USP46: variants seen among roughly 807,000 people sequenced by gnomAD.
USP46 encodes ubiquitin carboxyl-terminal hydrolase 46.
USP46 carries 12 observed loss-of-function variants against 44.4 expected under a neutral mutation model. The ratio of observed to expected loss-of-function variants is 0.27; its 90% CI spans 0.17 to 0.44. The LOEUF (loss-of-function observed/expected upper bound fraction) is 0.44. Among genes scored for constraint, USP46 ranks in the 20% least tolerant of loss-of-function variants. USP46 has a pLI of 1.00. For missense variants in USP46, 248 were observed against 444.8 expected (o/e 0.56, Z 3.98); for synonymous variants, 155 against 161.5 (o/e 0.96, Z 0.31).
chr4:52,614,226 G>C (rs2109612741), intron 4 of USP46, among the ~76,000 whole-genome samples: 1 of 152,268 alleles, frequency 6.6e-6, no homozygotes, highest in African/African-American at 2.4e-5. Flanking sequence ...CCTAGAAGGG[G>C]AGAAAAGGGA....
chr4:52,603,519 T>C (rs983473474), intron 6 of USP46, among the ~76,000 whole-genome samples: 4 of 152,096 alleles, frequency 2.6e-5, no homozygotes, highest in Non-Finnish European at 5.9e-5. Context: ...ACTGACAAGA[T>C]AGATTTAACT....
At chr4:52,632,980 GAAA>G (rs1321938937) in intron 1 of USP46, among the ~76,000 whole-genome samples, 3 of 71,486 alleles carry the variant, frequency 4.2e-5, no homozygotes, top group African/African-American at 7.1e-5. Flanking sequence ...AAGAAAGAAA[GAAA>G]GAAAAGAAAA....
At chr4:52,616,924 C>G (rs1017584415) in intron 4 of USP46, among the ~76,000 whole-genome samples, 3 of 152,112 alleles carry the variant, frequency 2.0e-5, no homozygotes, top group Non-Finnish European at 2.9e-5. Context: ...ATATTTTGAA[C>G]TAATGCCAAA....
Position 52,603,871 on chromosome 4 carries a change from G to T in USP46, c.722+630C>A, listed in dbSNP as rs185706200. Among the ~76,000 whole-genome samples, 755 of 152,170 alleles carry T rather than the reference G, an allele frequency of 5.0e-3. 8 individuals are homozygous for T. The highest frequency in any genetic ancestry group is 0.018 in the African/African-American group (730 of 41,526). On this transcript the variant is annotated intron_variant, in intron 6 of 8. Transcript: ENST00000441222. ...AGCTAATTTTTGTGTTTTTAGTAGA[G>T]ACGGGGTTTCACCATGTTGGCCAGG...
At chr4:52,636,974 T>C (rs963230523) in intron 1 of USP46, among the ~76,000 whole-genome samples, 17 of 151,908 alleles carry the variant, frequency 1.1e-4, no homozygotes, top group African/African-American at 4.1e-4. Context: ...CACACCCAGA[T>C]AATTTTTGTA....
intron 1 of USP46, among the ~76,000 whole-genome samples, chr4:52,654,911 CA>C (rs1718897501): frequency 6.6e-6 from 1 of 152,000 alleles, no homozygotes. Flanking sequence ...TTTTCATGAC[CA>C]AAAACAGAAA....
At chr4:52,630,736 CAAAAAAAA>C (rs10566870) in intron 2 of USP46, among the ~76,000 whole-genome samples, 4 of 92,290 alleles carry the variant, frequency 4.3e-5, no homozygotes, top group Non-Finnish European at 6.7e-5. Context: ...GACTCTGTCT[CAAAAAAAA>C]AAAAAAAAAA....
chr4:52,633,919 G>T (rs369655407), intron 1 of USP46, among the ~76,000 whole-genome samples: 1 of 152,140 alleles, frequency 6.6e-6, no homozygotes, highest in Admixed American at 6.5e-5. Context: ...ACAGCACAGC[G>T]AAAAATCAAA....
At chr4:52,641,571 T>C (rs926747309) in intron 1 of USP46, among the ~76,000 whole-genome samples, 3 of 152,138 alleles carry the variant, frequency 2.0e-5, no homozygotes, top group Non-Finnish European at 4.4e-5. Context: ...GAAGACGGCC[T>C]TGCCCAGAAG....
intron 6 of USP46, among the ~76,000 whole-genome samples, chr4:52,603,750 T>C (rs1433599326): frequency 6.6e-6 from 1 of 152,182 alleles, no homozygotes; most frequent in Admixed American, 6.5e-5. Context: ...AGTAGTACGA[T>C]CTCAGCTCAC....
At chr4:52,632,918 G>GACAAAGAAAGAA (rs34224846) in intron 1 of USP46, among the ~76,000 whole-genome samples, 1 of 35,178 alleles carries the variant, frequency 2.8e-5, no homozygotes, top group Non-Finnish European at 6.3e-5. Context: ...AAGAAAGAAA[G>GACAAAGAAAGAA]AGAAAGAAAG....
chr4:52,651,303 G>T (rs1269960728), intron 1 of USP46, among the ~76,000 whole-genome samples: 1 of 152,054 alleles, frequency 6.6e-6, no homozygotes, highest in Non-Finnish European at 1.5e-5. Flanking sequence ...TGTGGAGGGA[G>T]TAGAAGGAGG....
intron 1 of USP46, among the ~76,000 whole-genome samples, chr4:52,636,425 TG>T: frequency 6.6e-6 from 1 of 152,194 alleles, no homozygotes; most frequent in African/African-American, 2.4e-5. Context: ...GACACTAAGT[TG>T]GCCAGGCGCG....
intron 7 of USP46, among the ~76,000 whole-genome samples, chr4:52,598,922 T>C (rs1356186435): frequency 6.6e-6 from 1 of 152,144 alleles, no homozygotes; most frequent in Non-Finnish European, 1.5e-5. Context: ...GGACTCATAA[T>C]CCAGCAGCAA....
chr4:52,653,110 C>T (rs1308465301), intron 1 of USP46, among the ~76,000 whole-genome samples: 14 of 152,046 alleles, frequency 9.2e-5, no homozygotes, highest in Admixed American at 9.2e-4. Flanking sequence ...CCATGTACAG[C>T]ACTTACAGCA....
At chr4:52,602,404 G>GAGGAAGGTTGAGAGCTTTTGAGAAC (rs1716511180) in intron 6 of USP46, among the ~76,000 whole-genome samples, 1 of 152,202 alleles carries the variant, frequency 6.6e-6, no homozygotes, top group South Asian at 2.1e-4. Flanking sequence ...AGATGATGGA[G>GAGGAAGGTTGAGAGCTTTTGAGAAC]AGGAAGGTTG....
Position 52,591,921 on chromosome 4 carries a change from C to A in USP46, c.*5719G>T, listed in dbSNP as rs1325842693. The A allele has an allele frequency of 6.6e-6, 1 of 152,162 alleles. No individual in the cohort carries two copies. Among genetic ancestry groups the A allele is most frequent in the East Asian group, 1.9e-4 (1 of 5,196 alleles). The allele number at this position is 152,162 out of a possible 1,614,324, so 9.4% of individuals were successfully genotyped here. A position where few individuals can be genotyped will look rare whatever the true frequency, so the allele number is the denominator to read the frequency against. ...CTGGCTCTTTTAACATGAGAAGAGG[C>A]AAAACGTGAAGTTCATTGTTGCAAC... On this transcript the variant is annotated 3_prime_UTR_variant, in exon 9 of 9. Coordinates refer to ENST00000441222, the MANE Select transcript of USP46 (RefSeq NM_022832.4).
chr4:52,606,543 A>G (rs113118366), intron 5 of USP46, among the ~76,000 whole-genome samples: 22,339 of 152,138 alleles, frequency 0.15, 1,747 homozygotes, highest in African/African-American at 0.22. Flanking sequence ...CTCATTCACT[A>G]CCACGAGAAT....
intron 2 of USP46, among the ~76,000 whole-genome samples, chr4:52,630,753 AAAG>A (rs1409366540): frequency 2.3e-3 from 314 of 137,076 alleles, no homozygotes; most frequent in Non-Finnish European, 4.0e-3. Context: ...AAAAAAAAAA[AAAG>A]AAAAAATCAG....
Sources: allele counts gnomAD v4.1 joint callset (sites outside exome capture counted in the v4.1 genomes callset), GRCh38; gene constraint gnomAD v4.1.1; transcripts MANE v1.5; gene names NCBI Gene and HGNC (gene_info 2026-07-23, HGNC 2026-07-21).